RIPK1: variants seen among roughly 807,000 people sequenced by gnomAD.
RIPK1 encodes receptor-interacting serine/threonine-protein kinase 1.
RIPK1 carries 27 observed loss-of-function variants against 62.4 expected under a neutral mutation model. That is an observed-to-expected ratio of 0.43 (90% CI 0.32 to 0.60). The LOEUF is 0.60. RIPK1 is among the 20% of genes least tolerant of loss of function. The pLI is 0.07. For synonymous variants in RIPK1, 287 were observed against 303.2 expected (o/e 0.95, Z 0.55); for missense variants, 735 against 831.0 (o/e 0.88, Z 1.42).
chr6:3,104,696 G>A (rs1188603118), intron 8 of RIPK1, among the ~76,000 whole-genome samples: 1 of 152,130 alleles, frequency 6.6e-6, no homozygotes, highest in Non-Finnish European at 1.5e-5. Flanking sequence ...TGTAACAAAA[G>A]GGATGGCAGA....
At chr6:3,087,349 T>G (rs1759751767) in intron 6 of RIPK1, among the ~76,000 whole-genome samples, 1 of 152,126 alleles carries the variant, frequency 6.6e-6, no homozygotes. Context: ...TTTCTGGAAT[T>G]CTGACAACAT....
At chr6:3,076,726 A>ATATATATATATATATATATATATG (rs1561748080) in intron 1 of RIPK1, 38 bp from the exon 2 acceptor site, 1 of 644,038 alleles carries the variant, frequency 1.6e-6, no homozygotes, top group African/African-American at 2.1e-5. Context: ...ATATATATAT[A>ATATATATATATATATATATATATG]GTCTTGCCCT....
upstream of RIPK1, among the ~76,000 whole-genome samples, chr6:3,067,090 A>G (rs1191706057): frequency 1.5e-5 from 1 of 65,390 alleles, no homozygotes; most frequent in Non-Finnish European, 3.0e-5. Flanking sequence ...TTCAGAGCTC[A>G]TTTCTTTTTA....
intron 9 of RIPK1, among the ~76,000 whole-genome samples, chr6:3,109,456 G>C (rs1403695738): frequency 1.3e-5 from 2 of 152,118 alleles, no homozygotes; most frequent in African/African-American, 2.4e-5. Context: ...GGGTAGGGCA[G>C]AGCTGTGGCT....
At chr6:3,083,979 TCC>T (rs1759558145) in intron 5 of RIPK1, among the ~76,000 whole-genome samples, 1 of 152,162 alleles carries the variant, frequency 6.6e-6, no homozygotes, top group African/African-American at 2.4e-5. Flanking sequence ...GGCATCGCCA[TCC>T]TTTTACCAAG....
intron 9 of RIPK1, among the ~76,000 whole-genome samples, chr6:3,108,774 C>T (rs1023841827): frequency 3.3e-5 from 5 of 152,174 alleles, no homozygotes; most frequent in Non-Finnish European, 2.9e-5. Flanking sequence ...AGCAGCTTCA[C>T]GAACACCCTG....
chr6:3,068,659 G>A lies in RIPK1; in HGVS notation c.-63G>A. ...GGACGGCGCGGCCACGGAGAAGGGCGCGGTGAGCGGACTGGCACCGCGCGG... is the reference window on the plus strand; with the variant it reads ...GGACGGCGCGGCCACGGAGAAGGGCACGGTGAGCGGACTGGCACCGCGCGG... On this transcript the variant is annotated splice_region_variant and 5_prime_UTR_variant, in exon 1 of 11. Coordinates refer to ENST00000259808, the MANE Select transcript of RIPK1 (RefSeq NM_001354930.2). 1.0e-6 allele frequency: 1 copy of A among 985,310 alleles called. No homozygotes were observed. The highest frequency in any genetic ancestry group is 1.2e-6 in the Non-Finnish European group (1 of 829,920). The allele number at this position is 985,310 out of a possible 1,614,324, so 61.0% of individuals were successfully genotyped here.
At chr6:3,101,949 T>C (rs996215445) in intron 7 of RIPK1, among the ~76,000 whole-genome samples, 1 of 152,180 alleles carries the variant, frequency 6.6e-6, no homozygotes, top group Non-Finnish European at 1.5e-5. Context: ...TAACTCCCCA[T>C]TCCTCCCTCT....
Position 3,081,050 on chromosome 6 carries a change from A to G in RIPK1, c.393A>G (p.Gly131=). The G allele has an allele frequency of 6.2e-7, 1 of 1,614,000 alleles. No homozygotes were observed. Among genetic ancestry groups the G allele is most frequent in the Non-Finnish European group, 8.5e-7 (1 of 1,179,836 alleles). The change falls in exon 4 of 11, where the codon GGA becomes GGG. Residue 131 remains glycine (G), a synonymous_variant. Transcript: ENST00000259808. The part of the protein sequence containing the change: ...EIIEGMCYLH[G]KGVIHKDLKP... ...TTGAAGGAATGTGCTACTTACATGG[A>G]AAAGGCGTGATACACAAGGACCTGA...
chr6:3,073,794 C>T (rs1455989036), intron 1 of RIPK1, among the ~76,000 whole-genome samples: 1 of 152,166 alleles, frequency 6.6e-6, no homozygotes, highest in Non-Finnish European at 1.5e-5. Flanking sequence ...AGAGTCCCCT[C>T]TCCCCAAGGT....
At chr6:3,077,679 G>T (rs1759148012) in intron 2 of RIPK1, 100 bp from the exon 3 acceptor site, 1 of 1,349,802 alleles carries the variant, frequency 7.4e-7, no homozygotes, top group Non-Finnish European at 1.0e-6. Context: ...ACAGACCCAA[G>T]CATGACCCCA....
intron 1 of RIPK1, among the ~76,000 whole-genome samples, chr6:3,073,576 C>T (rs1024029570): frequency 2.0e-5 from 3 of 152,108 alleles, no homozygotes; most frequent in Admixed American, 1.3e-4. Flanking sequence ...CCACTGCCCA[C>T]GTCCCACCGA....
At chr6:3,100,935 G>A (rs1365280010) in intron 7 of RIPK1, among the ~76,000 whole-genome samples, 1 of 152,078 alleles carries the variant, frequency 6.6e-6, no homozygotes, top group African/African-American at 2.4e-5. Flanking sequence ...ACATATTTGT[G>A]TAATAAAAAT....
At chr6:3,075,168 C>T (rs1234472515) in intron 1 of RIPK1, among the ~76,000 whole-genome samples, 4 of 152,202 alleles carry the variant, frequency 2.6e-5, no homozygotes, top group Admixed American at 2.6e-4. Flanking sequence ...ATTTTATACT[C>T]CCACCAGTGA....
intron 6 of RIPK1, 148 bp from the exon 7 acceptor site, chr6:3,089,433 C>T (rs1759899994): frequency 3.3e-6 from 2 of 611,626 alleles, no homozygotes; most frequent in Non-Finnish European, 2.9e-6. Context: ...TTATTAGTCT[C>T]TATCAGAGTC....
intron 7 of RIPK1, among the ~76,000 whole-genome samples, chr6:3,101,111 C>T (rs1760567985): frequency 6.6e-6 from 1 of 152,156 alleles, no homozygotes; most frequent in African/African-American, 2.4e-5. Flanking sequence ...AAACCGATCT[C>T]TACAAAAAAC....
rs538016507 is a variant in RIPK1 at position 3,089,993 on chromosome 6, AT to A, written c.915+337del. Among the ~76,000 whole-genome samples the A allele has an allele frequency of 1.8e-4, 28 of 152,384 alleles. No individual in the cohort carries two copies. In the East Asian group the frequency reaches 5.2e-3, roughly 28 times the overall value. On this transcript the variant is annotated intron_variant, in intron 7 of 10. Transcript: ENST00000259808. Reference sequence around the variant, plus strand: ...CCACAGAATTATTCTGCTGAGACATATAACAGACAAGGAATACTAGCCCAAG... The same window carrying A: ...CCACAGAATTATTCTGCTGAGACATAAACAGACAAGGAATACTAGCCCAAG...
upstream of RIPK1, among the ~76,000 whole-genome samples, chr6:3,065,027 G>C (rs1480559831): frequency 2.0e-5 from 3 of 152,074 alleles, no homozygotes; most frequent in Admixed American, 1.3e-4. Flanking sequence ...CGGATCACGA[G>C]GTCAGGAGAT....
At chr6:3,101,583 A>G (rs1760589795) in intron 7 of RIPK1, among the ~76,000 whole-genome samples, 1 of 149,948 alleles carries the variant, frequency 6.7e-6, no homozygotes, top group South Asian at 2.1e-4. Context: ...TTGACCACTT[A>G]TTTATATAGC....
Sources: gnomAD v4.1 joint callset for allele counts (sites outside exome capture counted in the v4.1 genomes callset) on GRCh38, gnomAD v4.1.1 for gene constraint, MANE v1.5 for transcripts, NCBI Gene and HGNC (gene_info 2026-07-23, HGNC 2026-07-21) for gene names.